The following PTPN14 variants were observed in gnomAD, a reference collection of about 807,000 sequenced individuals.
PTPN14 encodes tyrosine-protein phosphatase non-receptor type 14.
A neutral mutation model predicts 126.8 loss-of-function variants in PTPN14; 53 were observed. The observed-to-expected ratio is 0.42, with a 90% CI of 0.34 to 0.53. The LOEUF (loss-of-function observed/expected upper bound fraction) is 0.53, where lower values mean the gene tolerates loss of function less well. PTPN14 is among the 20% of genes least tolerant of loss of function. PTPN14 has a pLI of 0.08. For synonymous variants in PTPN14, 630 were observed against 599.3 expected (o/e 1.05, Z -0.75); for missense variants, 1,257 against 1,552.9 (o/e 0.81, Z 3.20).
At chr1:214,532,534 AGAAG>A in intron 1 of PTPN14, 1 of 1,036,646 alleles carries the variant, frequency 9.6e-7, no homozygotes, top group South Asian at 1.3e-5. Context: ...CACCTGGAGA[AGAAG>A]GGACCCCAGG....
At chr1:214,498,080 A>C (rs1263768327) in intron 1 of PTPN14, among the ~76,000 whole-genome samples, 1 of 152,206 alleles carries the variant, frequency 6.6e-6, no homozygotes, top group Non-Finnish European at 1.5e-5. Flanking sequence ...ATTCAGAAAA[A>C]TAATACAAGT....
chr1:214,549,772 T>TA (rs57117626), intron 1 of PTPN14, among the ~76,000 whole-genome samples: 25,691 of 152,154 alleles, frequency 0.17, 2,333 homozygotes, highest in South Asian at 0.31. Flanking sequence ...CTGCTTGTGG[T>TA]AAAACAGCAG....
chr1:214,368,097 G>A (rs948187515), intron 17 of PTPN14, among the ~76,000 whole-genome samples: 1 of 152,152 alleles, frequency 6.6e-6, no homozygotes, highest in Admixed American at 6.5e-5. Context: ...ATAAAAATAT[G>A]AGAAAGTACG....
At chr1:214,445,086 T>A (rs1345700264) in intron 3 of PTPN14, among the ~76,000 whole-genome samples, 3 of 152,306 alleles carry the variant, frequency 2.0e-5, no homozygotes, top group East Asian at 1.9e-4. Context: ...TTAAGTATTT[T>A]AAAAATCCTC....
intron 2 of PTPN14, among the ~76,000 whole-genome samples, chr1:214,456,469 C>T (rs537630590): frequency 8.3e-4 from 127 of 152,258 alleles, no homozygotes; most frequent in African/African-American, 2.9e-3. Context: ...AGTTGGATAA[C>T]GGTAGAAAAG....
intron 1 of PTPN14, among the ~76,000 whole-genome samples, chr1:214,465,652 A>AC (rs1558115590): frequency 6.6e-6 from 1 of 152,066 alleles, no homozygotes; most frequent in Non-Finnish European, 1.5e-5. Flanking sequence ...TAAAAAGCCC[A>AC]CTAGGAGTGG....
chr1:214,480,924 G>T (rs2102674636), intron 1 of PTPN14, among the ~76,000 whole-genome samples: 1 of 152,226 alleles, frequency 6.6e-6, no homozygotes, highest in African/African-American at 2.4e-5. Flanking sequence ...AGATATGCTG[G>T]GCGGCTGGGA....
At position 214,369,647 on chromosome 1, in the gene PTPN14, A is replaced by T. The variant is rs201215554; in HGVS notation, c.3081T>A (p.Gly1027=). Residue 1027 remains glycine (G), a synonymous_variant, in exon 17 of 19, where the codon GGT becomes GGA. Transcript: ENST00000366956. The part of the protein sequence containing the change: ...TKSHRYWPKL[G]SKHSSATYGK... ...CATAGGTGGCTGAGCTGTGCTTTGA[A>T]CCTAGTTTGGGCCAGTATCGGTGGC... 10 of 1,614,058 alleles carry T rather than the reference A, an allele frequency of 6.2e-6. No homozygotes were observed. The highest frequency in any genetic ancestry group is 7.6e-6 in the Non-Finnish European group (9 of 1,180,004).
chr1:214,402,166 C>T (rs1270228254), intron 6 of PTPN14, among the ~76,000 whole-genome samples: 6 of 151,286 alleles, frequency 4.0e-5, no homozygotes, highest in Admixed American at 2.6e-4. Flanking sequence ...GTCAAATGGC[C>T]GTGGCTCATG....
chr1:214,407,369 A>G (rs1052413313), intron 5 of PTPN14, among the ~76,000 whole-genome samples: 2 of 152,170 alleles, frequency 1.3e-5, no homozygotes, highest in South Asian at 4.1e-4. Context: ...TCTACTAAAA[A>G]TACAAAAAAT....
At position 214,522,655 on chromosome 1, in the gene PTPN14, G is replaced by A. The variant is rs926005694; in HGVS notation, c.-155+28528C>T. ...CCTACACCAAATGGTGGTAAGTGGAGGAGGTTGCTGAGAAGTGCAGTTAAC... is the reference window on the plus strand; with the variant it reads ...CCTACACCAAATGGTGGTAAGTGGAAGAGGTTGCTGAGAAGTGCAGTTAAC... On this transcript the variant is annotated intron_variant, in intron 1 of 18. Transcript: ENST00000366956. Among the ~76,000 whole-genome samples, 97 of 152,304 alleles carry A rather than the reference G, an allele frequency of 6.4e-4. 1 individual carries two copies. The highest frequency in any genetic ancestry group is 2.3e-3 in the African/African-American group (94 of 41,564).
At chr1:214,485,671 C>T (rs1025223489) in intron 1 of PTPN14, among the ~76,000 whole-genome samples, 7 of 152,072 alleles carry the variant, frequency 4.6e-5, no homozygotes, top group Admixed American at 6.5e-5. Context: ...TTCTGTACTG[C>T]GCCTAAATGC....
Position 214,391,056 on chromosome 1 carries a change from A to G in PTPN14, c.930-11T>C. On this transcript the variant is annotated splice_polypyrimidine_tract_variant and intron_variant, in intron 10 of 18. Transcript: ENST00000366956. ...GGAGAATTTGACTGTCTACATGAAG[A>G]GGTGAAAAAATGAGAATGGTTATTA... 6.4e-7 allele frequency: 1 copy of G among 1,564,568 alleles called. No individual in the cohort carries two copies. The highest frequency in any genetic ancestry group is 8.7e-7 in the Non-Finnish European group (1 of 1,146,502).
At chr1:214,470,107 C>T (rs1194592928) in intron 1 of PTPN14, among the ~76,000 whole-genome samples, 2 of 131,192 alleles carry the variant, frequency 1.5e-5, no homozygotes, top group East Asian at 2.1e-4. Flanking sequence ...GGCAAAATAG[C>T]GAGACTTTGA....
At chr1:214,402,725 T>C (rs1659061591) in intron 6 of PTPN14, among the ~76,000 whole-genome samples, 158 bp downstream of exon 6, 1 of 136,126 alleles carries the variant, frequency 7.3e-6, no homozygotes, top group Non-Finnish European at 1.6e-5. Flanking sequence ...GGACATTCAC[T>C]TTTGCAGAAC....
At chr1:214,459,149 CTT>C (rs5780785) in intron 2 of PTPN14, among the ~76,000 whole-genome samples, 19 of 135,780 alleles carry the variant, frequency 1.4e-4, no homozygotes, top group South Asian at 2.3e-4. Flanking sequence ...CTCTTTTCTT[CTT>C]TTTTTTTTTT....
chr1:214,372,168 G>C (rs1024590927), intron 16 of PTPN14: 1 of 156,656 alleles, frequency 6.4e-6, no homozygotes, highest in Non-Finnish European at 1.4e-5. Flanking sequence ...AGTTACAGCA[G>C]AAAAACTATG....
chr1:214,388,921 A>G (rs1253409866), intron 11 of PTPN14, among the ~76,000 whole-genome samples: 1 of 152,164 alleles, frequency 6.6e-6, no homozygotes, highest in Non-Finnish European at 1.5e-5. Context: ...TCAAAGGGGT[A>G]ATAAAAAAAA....
intron 1 of PTPN14, among the ~76,000 whole-genome samples, chr1:214,511,106 TC>T (rs1654963717): frequency 1.3e-5 from 2 of 151,968 alleles, no homozygotes; most frequent in South Asian, 4.1e-4. Flanking sequence ...CAAGCTGATC[TC>T]AAACTCCTGG....
Sources: allele counts gnomAD v4.1 joint callset (sites outside exome capture counted in the v4.1 genomes callset), GRCh38; gene constraint gnomAD v4.1.1; transcripts MANE v1.5; gene names NCBI Gene and HGNC (gene_info 2026-07-23, HGNC 2026-07-21).